FSTL4: variants seen among roughly 807,000 people sequenced by gnomAD.
FSTL4 encodes follistatin like 4.
In FSTL4, 28 loss-of-function variants were observed where a neutral mutation model predicts 78.2. That is an observed-to-expected ratio of 0.36 (90% CI 0.27 to 0.49). The LOEUF (loss-of-function observed/expected upper bound fraction) is 0.49. FSTL4 is among the 20% of genes least tolerant of loss of function. FSTL4 has a pLI of 0.98. For missense variants in FSTL4, 922 were observed against 1,084.9 expected (o/e 0.85, Z 2.11); for synonymous variants, 422 against 440.5 (o/e 0.96, Z 0.53).
At chr5:133,591,539 T>C (rs1012851403) in intron 2 of FSTL4, among the ~76,000 whole-genome samples, 6 of 151,830 alleles carry the variant, frequency 4.0e-5, no homozygotes, top group Non-Finnish European at 1.5e-5. Flanking sequence ...TGCACCCACA[T>C]CCTCCCCTCA....
At chr5:133,618,279 C>G in the FSTL4 span, among the ~76,000 whole-genome samples, 2 of 152,104 alleles carry the variant, frequency 1.3e-5, no homozygotes, top group Admixed American at 6.5e-5. Context: ...TTGCGATTGA[C>G]TGCAGGTAAC....
chr5:133,773,860 C>T, the FSTL4 span, among the ~76,000 whole-genome samples: 1 of 152,198 alleles, frequency 6.6e-6, no homozygotes, highest in Non-Finnish European at 1.5e-5. Flanking sequence ...TTGGGTTACT[C>T]ACCCATTTGT....
chr5:133,489,908 T>A (rs916162379), intron 3 of FSTL4, among the ~76,000 whole-genome samples: 1 of 152,168 alleles, frequency 6.6e-6, no homozygotes, highest in Non-Finnish European at 1.5e-5. Flanking sequence ...AGTGACATCA[T>A]CTCCTACAAC....
intron 4 of FSTL4, among the ~76,000 whole-genome samples, chr5:133,316,896 T>C (rs79600846): frequency 0.022 from 3,415 of 152,294 alleles, 123 homozygotes; most frequent in African/African-American, 0.08. Flanking sequence ...TCTGTCCATC[T>C]GACAAATATT....
chr5:133,778,024 T>A, the FSTL4 span, among the ~76,000 whole-genome samples: 2 of 152,126 alleles, frequency 1.3e-5, no homozygotes, highest in Admixed American at 6.5e-5. Context: ...AAACTGGGGG[T>A]CTCAGCTTGT....
At chr5:133,759,891 G>A in the FSTL4 span, among the ~76,000 whole-genome samples, 2 of 152,116 alleles carry the variant, frequency 1.3e-5, no homozygotes. Flanking sequence ...TGTTTAATAA[G>A]GATGGCAAAA....
At chr5:133,574,529 G>C (rs1055644057) in intron 2 of FSTL4, among the ~76,000 whole-genome samples, 1 of 152,154 alleles carries the variant, frequency 6.6e-6, no homozygotes, top group Non-Finnish European at 1.5e-5. Flanking sequence ...CCAATTTCCT[G>C]TAATTAAATT....
chr5:133,707,686 T>C, the FSTL4 span, among the ~76,000 whole-genome samples: 1 of 152,102 alleles, frequency 6.6e-6, no homozygotes, highest in East Asian at 1.9e-4. Flanking sequence ...AAACAAACCT[T>C]TCTTCAGAGG....
the FSTL4 span, among the ~76,000 whole-genome samples, chr5:133,785,830 A>G: frequency 6.6e-6 from 1 of 152,296 alleles, no homozygotes; most frequent in Admixed American, 6.5e-5. Context: ...CAATGTCTGC[A>G]GGGTCACAAT....
chr5:133,295,728 C>T (rs564291769), intron 6 of FSTL4, among the ~76,000 whole-genome samples: 11 of 152,252 alleles, frequency 7.2e-5, no homozygotes, highest in East Asian at 5.8e-4. Context: ...GACAGCTGAC[C>T]GCTTCCTGAC....
chr5:133,575,551 G>A (rs561602383), intron 2 of FSTL4, among the ~76,000 whole-genome samples: 91 of 152,298 alleles, frequency 6.0e-4, no homozygotes, highest in African/African-American at 2.1e-3. Flanking sequence ...AGCTAAGAGA[G>A]GGAGACGATC....
chr5:133,224,566 C>G (rs1434150148), intron 10 of FSTL4, among the ~76,000 whole-genome samples: 3 of 152,240 alleles, frequency 2.0e-5, no homozygotes, highest in Non-Finnish European at 4.4e-5. Context: ...TGACTTTCAA[C>G]TAGGATTCTC....
At chr5:133,245,385 C>T (rs1363229484) in intron 7 of FSTL4, among the ~76,000 whole-genome samples, 1 of 152,258 alleles carries the variant, frequency 6.6e-6, no homozygotes, top group Non-Finnish European at 1.5e-5. Context: ...GCAGCACACA[C>T]ATCTGACCCT....
intron 6 of FSTL4, among the ~76,000 whole-genome samples, chr5:133,278,690 G>A (rs151024281): frequency 9.8e-5 from 15 of 152,318 alleles, no homozygotes; most frequent in African/African-American, 3.6e-4. Flanking sequence ...GACCCTAGGA[G>A]CTGAGCTCAG....
chr5:133,449,467 G>A (rs960287555), intron 3 of FSTL4, among the ~76,000 whole-genome samples: 1 of 152,160 alleles, frequency 6.6e-6, no homozygotes, highest in Non-Finnish European at 1.5e-5. Flanking sequence ...TAACACGCGC[G>A]GGCCTCTGAA....
At chr5:133,708,472 C>T in the FSTL4 span, among the ~76,000 whole-genome samples, 1 of 152,202 alleles carries the variant, frequency 6.6e-6, no homozygotes, top group Non-Finnish European at 1.5e-5. Flanking sequence ...ATTACTCTCA[C>T]TGCTGGGCCT....
chr5:133,771,639 A>G, the FSTL4 span, among the ~76,000 whole-genome samples: 2 of 151,248 alleles, frequency 1.3e-5, no homozygotes, highest in South Asian at 2.1e-4. Flanking sequence ...TTTTTTGTGG[A>G]GTCTTTAGGG....
At chr5:133,258,727 C>A (rs1752441821) in intron 6 of FSTL4, among the ~76,000 whole-genome samples, 1 of 152,140 alleles carries the variant, frequency 6.6e-6, no homozygotes, top group Non-Finnish European at 1.5e-5. Context: ...GGGAAACCAG[C>A]CTTTACTATA....
At chr5:133,811,323 T>C in the FSTL4 span, among the ~76,000 whole-genome samples, 1 of 152,100 alleles carries the variant, frequency 6.6e-6, no homozygotes, top group Admixed American at 6.5e-5. Context: ...GGGGGCCCTT[T>C]CATATCTTTA....
Sources: gnomAD v4.1 joint callset for allele counts (sites outside exome capture counted in the v4.1 genomes callset) on GRCh38, gnomAD v4.1.1 for gene constraint, MANE v1.5 for transcripts, NCBI Gene and HGNC (gene_info 2026-07-23, HGNC 2026-07-21) for gene names.